The following FRY variants were observed in gnomAD, a reference collection of about 807,000 sequenced individuals.
FRY encodes the protein FRY microtubule binding protein, also known as protein furry homolog.
A neutral mutation model predicts 348.4 loss-of-function variants in FRY; 128 were observed. The ratio of observed to expected loss-of-function variants is 0.37; its 90% CI spans 0.32 to 0.43. The LOEUF is 0.43. FRY is among the 20% of genes least tolerant of loss of function. FRY has a pLI of 1.00. For missense variants in FRY, 2,736 were observed against 3,695.2 expected (o/e 0.74, Z 6.73); for synonymous variants, 1,370 against 1,374.7 (o/e 1.00, Z 0.08).
rs11286980 is a variant in FRY at position 32,041,283 on chromosome 13, C to CTT, written c.70+9445_70+9446dup. Among the ~76,000 whole-genome samples, 169 of 65,048 alleles carry CTT rather than the reference C, an allele frequency of 2.6e-3. 11 individuals carry two copies. Among genetic ancestry groups the CTT allele is most frequent in the South Asian group, 3.7e-3 (5 of 1,368 alleles). 42.7% of individuals were successfully genotyped at this position (65,048 alleles called of 152,430 possible). On this transcript the variant is annotated intron_variant, in intron 1 of 60. Coordinates refer to ENST00000542859, the MANE Select transcript of FRY (RefSeq NM_023037.3). ...TAACACCCCTAAAATTAATCTTCTG[C>CTT]TTTTTTTTTTTTTTTTTTTTTTTTT...
intron 20 of FRY, among the ~76,000 whole-genome samples, chr13:32,177,127 T>C (rs1882410891): frequency 6.6e-6 from 1 of 152,220 alleles, no homozygotes; most frequent in Admixed American, 6.5e-5. Context: ...GGCAGTGTCC[T>C]CTCTTGGCAC....
rs1415001207 is a variant in FRY, at chr13:32,194,134, T to C, written c.3592-9T>C. The C allele has an allele frequency of 2.5e-6, 4 of 1,610,982 alleles. No individual in the cohort carries two copies. Among genetic ancestry groups the C allele is most frequent in the South Asian group, 2.2e-5 (2 of 91,012 alleles). ...ATGGGAATAATATTGATTTGCTCCA[T>C]GTATTCAGGTTCATCAACTTGGCTG... is the stretch of plus-strand genomic sequence containing the variant. On this transcript the variant is annotated splice_polypyrimidine_tract_variant and intron_variant, in intron 28 of 60. Transcript: ENST00000542859.
intron 14 of FRY, among the ~76,000 whole-genome samples, chr13:32,154,706 G>A (rs985591419): frequency 5.3e-5 from 8 of 152,136 alleles, no homozygotes; most frequent in Non-Finnish European, 1.2e-4. Flanking sequence ...TCTTCCATAG[G>A]TAGTAGTATA....
Position 32,237,340 on chromosome 13 carries a change from T to C in FRY, c.5811-39T>C, listed in dbSNP as rs753701382. ...GAAAGGACTGGCTTTTGGTGACACA[T>C]GTTGGCATCCTATTAAACTTATTTA... On this transcript the variant is annotated intron_variant, in intron 43 of 60. Transcript: ENST00000542859. This position sits in a 1 kb window ranked among gnomAD's most constrained non-coding sequence, Gnocchi z 6.3. 6.2e-7 allele frequency: 1 copy of C among 1,608,930 alleles called. No homozygotes were observed. The highest frequency in any genetic ancestry group is 8.5e-7 in the Non-Finnish European group (1 of 1,178,594).
Position 32,177,444 on chromosome 13 carries a change from A to C in FRY, c.2422-733A>C, listed in dbSNP as rs116866595. Reference sequence around the variant, plus strand: ...GTTTCTTCTAAAAAATAATACAAAAATTAGCGAGGTGTGGTGGCGATTGCC... The same window carrying C: ...GTTTCTTCTAAAAAATAATACAAAACTTAGCGAGGTGTGGTGGCGATTGCC... On this transcript the variant is annotated intron_variant, in intron 20 of 60. Coordinates refer to ENST00000542859, the MANE Select transcript of FRY (RefSeq NM_023037.3). Among the ~76,000 whole-genome samples the C allele has an allele frequency of 8.7e-3, 1,317 of 152,094 alleles. 3 individuals carry two copies. The highest frequency in any genetic ancestry group is 0.015 in the Admixed American group (235 of 15,256).
Position 32,234,649 on chromosome 13 carries a change from G to A in FRY, c.5603G>A (p.Gly1868Asp). 1 of 1,614,118 alleles carries A rather than the reference G, an allele frequency of 6.2e-7. No homozygotes were observed. Among genetic ancestry groups the A allele is most frequent in the Non-Finnish European group, 8.5e-7 (1 of 1,180,016 alleles). ...GCAAGCTCTTCAAGGCACTATGCTG[G>A]TCGGTCCTTCCAGATATTCCGGGCC... Reference protein sequence around the residue: ...ALASSSRHYAGRSFQIFRALK... With the variant: ...ALASSSRHYADRSFQIFRALK... Residue 1868 changes from glycine (G) to aspartate (D), a missense_variant, in exon 42 of 61, where the codon GGT becomes GAT. Around this residue, in one of 9 missense-constraint regions of FRY, gnomAD observed 794 missense variants for 977.0 expected, o/e 0.81. Transcript: ENST00000542859.
rs759932449 is a variant in FRY at position 32,178,358 on chromosome 13, A to G, written c.2603A>G (p.His868Arg). The part of the protein sequence containing the change: ...SFLRQENLPK[H>R]CPTALSYAWP... Reference sequence around the variant, plus strand: ...CTCCGGCAGGAGAACTTACCCAAGCACTGCCCCACAGCCCTCAGCTATGCC... The same window carrying G: ...CTCCGGCAGGAGAACTTACCCAAGCGCTGCCCCACAGCCCTCAGCTATGCC... The change falls in exon 21 of 61, where the codon CAC (histidine) becomes CGC (arginine). Residue 868 changes from histidine to arginine, a missense_variant. By Grantham distance (29) the His-to-Arg change is conservative (BLOSUM62 0). Around this residue, in one of 9 missense-constraint regions of FRY, gnomAD observed 449 missense variants for 576.9 expected, o/e 0.78. Coordinates refer to ENST00000542859, the MANE Select transcript of FRY (RefSeq NM_023037.3). 1.2e-6 allele frequency: 2 copies of G among 1,614,144 alleles called. No individual in the cohort carries two copies. The highest frequency in any genetic ancestry group is 2.2e-5 in the South Asian group (2 of 91,078).
chr13:32,237,254 T>C lies in FRY; in HGVS notation c.5811-125T>C. On this transcript the variant is annotated intron_variant, in intron 43 of 60. Coordinates refer to ENST00000542859, the MANE Select transcript of FRY (RefSeq NM_023037.3). This position sits in a 1 kb window ranked among gnomAD's most constrained non-coding sequence, Gnocchi z 6.3. ...AGCTTTAAAGATAAGGAAAAATAAA[T>C]GAATAGAAAGTGGCATTTCTAAAGA... 1.1e-6 allele frequency: 1 copy of C among 943,038 alleles called. No homozygotes were observed. The highest frequency in any genetic ancestry group is 1.6e-6 in the Non-Finnish European group (1 of 611,704). The allele number at this position is 943,038 out of a possible 1,614,324, so 58.4% of individuals were successfully genotyped here. A position where few individuals can be genotyped will look rare whatever the true frequency, so the allele number is the denominator to read the frequency against.
Position 32,244,099 on chromosome 13 carries a change from C to G in FRY, c.6745C>G (p.Leu2249Val). ...QQPLLQVIYS[L>V]LSYMDLSVVP... ...GCCCCTGCTCCAGGTGATCTACAGT[C>G]TTCTCAGCTACATGGACCTTTCTGT... The change falls in exon 47 of 61, where the codon CTT becomes GTT. Residue 2249 changes from leucine (L) to valine (V), a missense_variant. By Grantham distance (32) the Leu-to-Val change is conservative. Coordinates refer to ENST00000542859, the MANE Select transcript of FRY (RefSeq NM_023037.3). 3 of 1,613,784 alleles carry G rather than the reference C, an allele frequency of 1.9e-6. No homozygotes were observed. The highest frequency in any genetic ancestry group is 2.5e-6 in the Non-Finnish European group (3 of 1,179,648).
At chr13:32,049,885 T>TA (rs1214070036) in intron 1 of FRY, among the ~76,000 whole-genome samples, 1 of 151,930 alleles carries the variant, frequency 6.6e-6, no homozygotes, top group Admixed American at 6.6e-5. Context: ...CAAGCTGCTT[T>TA]AAAAAAAATA....
intron 53 of FRY, among the ~76,000 whole-genome samples, chr13:32,263,215 T>G (rs1048298104): frequency 6.6e-6 from 1 of 152,154 alleles, no homozygotes; most frequent in Non-Finnish European, 1.5e-5. Flanking sequence ...TCAAGCACTG[T>G]CTATCATGAG....
rs144535876 is a variant in FRY, at chr13:32,138,060, A to G, written c.1179+1088A>G. ...GAAAATTAAGCTTTTAAGTACTCTGAAAAAATGAAATGCTTTTCAGGGTTA... is the reference window on the plus strand; with the variant it reads ...GAAAATTAAGCTTTTAAGTACTCTGGAAAAATGAAATGCTTTTCAGGGTTA... On this transcript the variant is annotated intron_variant, in intron 11 of 60. Coordinates refer to ENST00000542859, the MANE Select transcript of FRY (RefSeq NM_023037.3). 5.4e-3 allele frequency among the ~76,000 whole-genome samples: 819 copies of G among 152,276 alleles called. 5 individuals are homozygous for G. Among genetic ancestry groups the G allele is most frequent in the African/African-American group, 0.019 (786 of 41,550 alleles).
At chr13:32,187,463 C>T (rs563151394) in intron 27 of FRY, 83 bp from the exon 28 acceptor site, 3 of 818,580 alleles carry the variant, frequency 3.7e-6, no homozygotes, top group Admixed American at 3.6e-5. Flanking sequence ...ATAATTCTGA[C>T]AATTATGGTT....
chr13:32,087,411 C>A (rs1262523947), intron 2 of FRY, among the ~76,000 whole-genome samples: 3 of 152,196 alleles, frequency 2.0e-5, no homozygotes, highest in African/African-American at 7.2e-5. Context: ...GGCATCAGGA[C>A]AACTCTCCTG....
intron 7 of FRY, among the ~76,000 whole-genome samples, chr13:32,127,868 G>T (rs990637679): frequency 1.3e-5 from 2 of 152,198 alleles, no homozygotes; most frequent in East Asian, 3.9e-4. Flanking sequence ...TTGAAATAGT[G>T]AATTATGCAA....
At chr13:32,091,657 C>T (rs1334176417) in intron 2 of FRY, among the ~76,000 whole-genome samples, 1 of 152,210 alleles carries the variant, frequency 6.6e-6, no homozygotes, top group Admixed American at 6.5e-5. Context: ...TGAGGAAGCT[C>T]ACCACTAGGC....
At chr13:32,097,592 A>ATTTCTATCACATTACGTAAATTTTTT (rs1566069080) in intron 2 of FRY, among the ~76,000 whole-genome samples, 2 of 151,826 alleles carry the variant, frequency 1.3e-5, no homozygotes, top group African/African-American at 4.8e-5. Flanking sequence ...AATTCCCAAC[A>ATTTCTATCACATTACGTAAATTTTTT]TCAGGTGATC....
chr13:32,145,015 C>T (rs762604283), intron 11 of FRY, among the ~76,000 whole-genome samples: 18 of 152,130 alleles, frequency 1.2e-4, no homozygotes, highest in Non-Finnish European at 2.2e-4. Context: ...AAAAAATGAA[C>T]AGGGTTCACT....
intron 56 of FRY, 44 bp from the exon 57 acceptor site, chr13:32,276,420 T>C: frequency 1.1e-6 from 1 of 939,766 alleles, no homozygotes; most frequent in Non-Finnish European, 1.8e-6. Context: ...GCCTTTGTGT[T>C]GGTATCTCTC....
Sources: gnomAD v4.1 joint callset for allele counts (sites outside exome capture counted in the v4.1 genomes callset) on GRCh38, gnomAD v4.1.1 for gene constraint, gnomAD v4.1.1 regional missense constraint, Gnocchi (gnomAD v3.1) non-coding constraint, MANE v1.5 for transcripts, NCBI Gene and HGNC (gene_info 2026-07-23, HGNC 2026-07-21) for gene names.